The following RNASE4 variants were observed in gnomAD, a reference collection of about 807,000 sequenced individuals.
The protein encoded by RNASE4 is ribonuclease A family member 4.
For synonymous variants in RNASE4, 93 were observed against 71.4 expected, an observed-to-expected ratio of 1.30 and a Z score of -1.52; for missense variants, 194 against 192.8, an observed-to-expected ratio of 1.01 and a Z score of -0.04.
intron 1 of RNASE4, chr14:20,693,366 G>T: frequency 1.3e-6 from 1 of 742,234 alleles, no homozygotes. Context: ...TTAAATAGAC[G>T]TTCCGCAGGA....
rs563139057 is a variant in RNASE4, at chr14:20,693,663, C to T, written c.-17-5692C>T. The T allele has an allele frequency of 4.4e-4, 703 of 1,614,144 alleles. 6 individuals carry two copies. In the South Asian group the frequency reaches 7.2e-3, roughly 17 times the overall value. On this transcript the variant is annotated intron_variant, in intron 1 of 1. Transcript: ENST00000555835. ...AGGATAACTCCAGGTACACACACTT[C>T]CTGACCCAGCACTATGATGCCAAAC... is the stretch of plus-strand genomic sequence containing the variant.
chr14:20,686,202 C>T (rs1886419189), intron 1 of RNASE4, among the ~76,000 whole-genome samples: 1 of 152,088 alleles, frequency 6.6e-6, no homozygotes, highest in Non-Finnish European at 1.5e-5. Context: ...CACTCTTGTT[C>T]TATGACTCCA....
intron 1 of RNASE4, chr14:20,693,487 T>C (rs553429701): frequency 6.3e-7 from 1 of 1,597,948 alleles, no homozygotes; most frequent in African/African-American, 1.3e-5. Flanking sequence ...CTCCTGTCCT[T>C]TTGGCCTAAT....
chr14:20,686,697 A>AGT (rs199814372), intron 1 of RNASE4, among the ~76,000 whole-genome samples: 3,900 of 152,316 alleles, frequency 0.026, 64 homozygotes, highest in South Asian at 0.043. Context: ...TTCAATCAGT[A>AGT]GTGTTGCCTC....
At chr14:20,693,897 C>A (rs764243399) in intron 1 of RNASE4, 1 of 1,614,110 alleles carries the variant, frequency 6.2e-7, no homozygotes, top group East Asian at 2.2e-5. Flanking sequence ...ATGGAGGTTC[C>A]CCCTGGCCTC....
At chr14:20,696,056 T>C (rs1887083499) in intron 1 of RNASE4, among the ~76,000 whole-genome samples, 1 of 152,260 alleles carries the variant, frequency 6.6e-6, no homozygotes, top group South Asian at 2.1e-4. Flanking sequence ...TGCTATTTCC[T>C]TGAGGTGAGG....
chr14:20,691,131 C>G (rs148266086), intron 1 of RNASE4, among the ~76,000 whole-genome samples: 178 of 152,342 alleles, frequency 1.2e-3, no homozygotes, highest in Admixed American at 4.7e-3. Flanking sequence ...AATATCCCCA[C>G]AAGTTATACA....
intron 1 of RNASE4, among the ~76,000 whole-genome samples, chr14:20,692,382 C>T (rs998409568): frequency 3.3e-5 from 5 of 152,232 alleles, no homozygotes; most frequent in African/African-American, 1.2e-4. Flanking sequence ...CATTAGCTGA[C>T]TAATTAGCTA....
chr14:20,698,740 A>T (rs1887177143), intron 1 of RNASE4: 1 of 152,190 alleles, frequency 6.6e-6, no homozygotes, highest in African/African-American at 2.4e-5. Flanking sequence ...TTTAAATCAC[A>T]TTAGAATAAT....
Position 20,700,365 on chromosome 14 carries a change from T to C in RNASE4, c.*550T>C, listed in dbSNP as rs1263405350. ...CACCTGTCAGGGAGGCATTAAAAAT[T>C]TGGAAATGTATGCCAGCAAAATGTG... On this transcript the variant is annotated 3_prime_UTR_variant, in exon 2 of 2. Coordinates refer to ENST00000555835, the MANE Select transcript of RNASE4 (RefSeq NM_002937.5). The C allele has an allele frequency of 1.8e-5, 3 of 167,150 alleles. No individual in the cohort carries two copies. The highest frequency in any genetic ancestry group is 3.8e-4 in the East Asian group (2 of 5,210). The allele number at this position is 167,150 out of a possible 1,614,324, so 10.4% of individuals were successfully genotyped here.
chr14:20,698,832 C>T (rs1887180257), intron 1 of RNASE4: 1 of 152,106 alleles, frequency 6.6e-6, no homozygotes, highest in Non-Finnish European at 1.5e-5. Context: ...AAAGGCAAAG[C>T]CTAAATATTC....
In RNASE4 at chr14:20,699,882, A is replaced by G. The variant is rs1887238475; in HGVS notation, c.*67A>G. 1.4e-6 allele frequency: 2 copies of G among 1,403,044 alleles called. No homozygotes were observed. Among genetic ancestry groups the G allele is most frequent in the African/African-American group, 2.8e-5 (2 of 70,824 alleles). 86.9% of individuals were successfully genotyped at this position (1,403,044 alleles called of 1,614,324 possible). On this transcript the variant is annotated 3_prime_UTR_variant, in exon 2 of 2. Coordinates refer to ENST00000555835, the MANE Select transcript of RNASE4 (RefSeq NM_002937.5). ...CTTACTCCTTAAATAGCAGTGAGTA[A>G]TGCATTTGAGCTGTCCCAGGCTCTG... is the stretch of plus-strand genomic sequence containing the variant.
At chr14:20,690,239 A>AAAAAAAAAG (rs1886667312) in intron 1 of RNASE4, among the ~76,000 whole-genome samples, 3 of 149,734 alleles carry the variant, frequency 2.0e-5, no homozygotes, top group African/African-American at 7.4e-5. Flanking sequence ...AAAAAAAAAA[A>AAAAAAAAAG]AAAAAAAAAG....
At chr14:20,693,803 T>C in intron 1 of RNASE4, 1 of 1,614,192 alleles carries the variant, frequency 6.2e-7, no homozygotes, top group Middle Eastern at 1.6e-4. Context: ...ATCAAGGCCA[T>C]CTGTGAAAAC....
intron 1 of RNASE4, among the ~76,000 whole-genome samples, chr14:20,691,748 C>A (rs1473457316): frequency 2.6e-5 from 4 of 152,186 alleles, no homozygotes; most frequent in African/African-American, 7.2e-5. Flanking sequence ...TAAATAGCAG[C>A]TGGAAATGTT....
intron 1 of RNASE4, among the ~76,000 whole-genome samples, chr14:20,694,949 G>A (rs1344772048): frequency 6.6e-6 from 1 of 152,148 alleles, no homozygotes. Context: ...TTTGTCTTAA[G>A]CGAGAGATAA....
intron 1 of RNASE4, among the ~76,000 whole-genome samples, chr14:20,685,541 T>A (rs143728392): frequency 1.5e-3 from 226 of 152,322 alleles, no homozygotes; most frequent in African/African-American, 4.8e-3. Context: ...CAAGACTTAC[T>A]TAACCACAGA....
Position 20,699,422 on chromosome 14 carries a change from G to C in RNASE4, c.51G>C (p.Leu17=). 1 of 1,609,824 alleles carries C rather than the reference G, an allele frequency of 6.2e-7. No homozygotes were observed. The highest frequency in any genetic ancestry group is 8.5e-7 in the Non-Finnish European group (1 of 1,176,980). ...TGCTTCTGCTTTTGCTGCTGACCCT[G>C]CTGGGGCTGGGGCTGGTCCAGCCCT... ...HSLLLLLLLT[L]LGLGLVQPSY... is the part of the protein sequence containing the mutation. Residue 17 remains leucine, a synonymous_variant, in exon 2 of 2, where the codon CTG becomes CTC. Coordinates refer to ENST00000555835, the MANE Select transcript of RNASE4 (RefSeq NM_002937.5).
At chr14:20,692,952 A>G (rs1202210976) in intron 1 of RNASE4, among the ~76,000 whole-genome samples, 1 of 151,840 alleles carries the variant, frequency 6.6e-6, no homozygotes, top group East Asian at 1.9e-4. Context: ...GGTTCACGCC[A>G]TTCTCCTGCC....
Sources: gnomAD v4.1 joint callset for allele counts (sites outside exome capture counted in the v4.1 genomes callset) on GRCh38, gnomAD v4.1.1 for gene constraint, MANE v1.5 for transcripts, NCBI Gene and HGNC (gene_info 2026-07-23, HGNC 2026-07-21) for gene names.